Variants in MAGI2 observed in about 807,000 individuals in gnomAD.
MAGI2 encodes membrane associated guanylate kinase, WW and PDZ domain containing 2.
A neutral mutation model predicts 133.3 loss-of-function variants in MAGI2; 35 were observed. The ratio of observed to expected loss-of-function variants is 0.26; its 90% confidence interval spans 0.20 to 0.35. MAGI2 has a LOEUF of 0.35. MAGI2 is among the 10% of genes least tolerant of loss of function. MAGI2 has a pLI of 1.00. For missense variants in MAGI2, 1,636 were observed against 1,863.4 expected (o/e 0.88, Z 2.25); for synonymous variants, 729 against 710.6 (o/e 1.03, Z -0.41).
intron 5 of MAGI2, among the ~76,000 whole-genome samples, chr7:78,499,402 T>G (rs778728806): frequency 2.0e-4 from 31 of 152,210 alleles, no homozygotes; most frequent in Admixed American, 1.2e-3. Context: ...TTTATAACTA[T>G]TTGTCTCTCT....
intron 9 of MAGI2, among the ~76,000 whole-genome samples, chr7:78,330,753 T>G (rs946051491): frequency 1.1e-4 from 17 of 152,098 alleles, no homozygotes; most frequent in Admixed American, 5.2e-4. Context: ...CAGGTTTTGA[T>G]CTCAATGAAC....
intron 9 of MAGI2, among the ~76,000 whole-genome samples, chr7:78,332,470 G>A (rs1017628889): frequency 1.3e-5 from 2 of 152,142 alleles, no homozygotes; most frequent in Non-Finnish European, 2.9e-5. Context: ...AGGCCGAGGC[G>A]GGAGGATCAC....
intron 9 of MAGI2, among the ~76,000 whole-genome samples, chr7:78,270,174 T>C (rs1307373846): frequency 6.6e-6 from 1 of 152,166 alleles, no homozygotes; most frequent in East Asian, 1.9e-4. Flanking sequence ...TGTAGCCTTG[T>C]AGTATAGTTT....
At chr7:79,173,281 A>G (rs1825790609) in intron 1 of MAGI2, among the ~76,000 whole-genome samples, 2 of 152,020 alleles carry the variant, frequency 1.3e-5, no homozygotes, top group Admixed American at 6.6e-5. Context: ...TCTTGCATAG[A>G]AAAAATGACT....
At chr7:79,172,229 G>A (rs1736939990) in intron 1 of MAGI2, among the ~76,000 whole-genome samples, 1 of 152,002 alleles carries the variant, frequency 6.6e-6, no homozygotes, top group Admixed American at 6.6e-5. Context: ...GATGAACAGT[G>A]TGAATCTTAA....
In MAGI2 at chr7:79,134,849, G is replaced by C. The variant is rs571529690; in HGVS notation, c.302-127643C>G. The stretch of plus-strand genomic sequence containing the variant: ...AAATAATTGGCATTTTCAATAGAAG[G>C]CTTTGACATTGGCTGGTTTTCAGAT... On this transcript the variant is annotated intron_variant, in intron 1 of 21. Coordinates refer to ENST00000354212, the MANE Select transcript of MAGI2 (RefSeq NM_012301.4). Among the ~76,000 whole-genome samples, 9 of 152,298 alleles carry C rather than the reference G, an allele frequency of 5.9e-5. No homozygotes were observed. In the South Asian group the frequency reaches 1.7e-3, roughly 28 times the overall value.
At position 79,157,941 on chromosome 7, in the gene MAGI2, A is replaced by AGTGAGTGAGTGT. The variant is rs1302532517; in HGVS notation, c.302-150736_302-150735insACACTCACTCAC. Among the ~76,000 whole-genome samples the AGTGAGTGAGTGT allele has an allele frequency of 2.9e-3, 395 of 134,958 alleles. 1 individual carries two copies. The highest frequency in any genetic ancestry group is 0.012 in the African/African-American group (382 of 30,852). 88.5% of individuals were successfully genotyped at this position (134,958 alleles called of 152,430 possible). ...GTAAATGCTACAGAATCTTTGTGTG[A>AGTGAGTGAGTGT]GTGTGTGTGTGTGTGTGTGTGTGTG... On this transcript the variant is annotated intron_variant, in intron 1 of 21. Transcript: ENST00000354212.
chr7:79,314,035 G>A (rs1456699884), intron 1 of MAGI2, among the ~76,000 whole-genome samples: 5 of 152,026 alleles, frequency 3.3e-5, no homozygotes, highest in East Asian at 1.9e-4. Flanking sequence ...ATGCAGTGAC[G>A]CAATCTTGGC....
chr7:78,580,834 A>C (rs1802758339), intron 3 of MAGI2, among the ~76,000 whole-genome samples: 1 of 152,210 alleles, frequency 6.6e-6, no homozygotes, highest in African/African-American at 2.4e-5. Flanking sequence ...TTTTAAACAA[A>C]AACATAAAGT....
intron 10 of MAGI2, among the ~76,000 whole-genome samples, chr7:78,205,288 C>T (rs1829629421): frequency 6.6e-6 from 1 of 152,182 alleles, no homozygotes; most frequent in South Asian, 2.1e-4. Flanking sequence ...TCTGCCACCA[C>T]ACCCAGCTAA....
chr7:78,756,488 C>T (rs1375059732), intron 2 of MAGI2, among the ~76,000 whole-genome samples: 2 of 152,052 alleles, frequency 1.3e-5, no homozygotes, highest in African/African-American at 4.8e-5. Context: ...GCAGCATTTG[C>T]CATTTTGCCA....
At chr7:78,751,465 A>C (rs1336400946) in intron 2 of MAGI2, among the ~76,000 whole-genome samples, 1 of 152,196 alleles carries the variant, frequency 6.6e-6, no homozygotes, top group Admixed American at 6.5e-5. Flanking sequence ...CGAATGACCT[A>C]ATTGGCCCTC....
At chr7:78,030,350 T>A (rs2003502) in intron 21 of MAGI2, among the ~76,000 whole-genome samples, 17 of 152,082 alleles carry the variant, frequency 1.1e-4, no homozygotes, top group African/African-American at 3.1e-4. Context: ...TGTAACCTCC[T>A]GGTTCAAGCG....
chr7:79,245,035 C>A (rs1209871605), intron 1 of MAGI2, among the ~76,000 whole-genome samples: 2 of 152,134 alleles, frequency 1.3e-5, no homozygotes, highest in African/African-American at 4.8e-5. Flanking sequence ...AGAAGGGAAC[C>A]CACTTCCTTA....
At chr7:78,463,461 A>C (rs897871118) in intron 6 of MAGI2, among the ~76,000 whole-genome samples, 6 of 152,242 alleles carry the variant, frequency 3.9e-5, no homozygotes, top group Non-Finnish European at 8.8e-5. Context: ...TTTCATTTAG[A>C]TGTATTCTAA....
At chr7:79,120,949 G>C (rs1050848889) in intron 1 of MAGI2, among the ~76,000 whole-genome samples, 6 of 152,024 alleles carry the variant, frequency 3.9e-5, no homozygotes, top group Non-Finnish European at 8.8e-5. Context: ...TATAAGTTTA[G>C]GGTTGCCAGA....
chr7:79,342,357 A>C (rs774010449), intron 1 of MAGI2, among the ~76,000 whole-genome samples: 1 of 152,188 alleles, frequency 6.6e-6, no homozygotes, highest in Non-Finnish European at 1.5e-5. Context: ...CAGTAAAAGA[A>C]ATGTCCATTG....
intron 1 of MAGI2, among the ~76,000 whole-genome samples, chr7:79,188,641 A>T (rs1487319772): frequency 1.3e-5 from 2 of 151,858 alleles, no homozygotes; most frequent in Non-Finnish European, 2.9e-5. Context: ...TATAATAAAC[A>T]ATCACTGAGG....
At chr7:78,876,317 G>A (rs145049530) in intron 2 of MAGI2, among the ~76,000 whole-genome samples, 7,428 of 35,176 alleles carry the variant, frequency 0.21, 483 homozygotes, top group East Asian at 0.48. Context: ...GCAAGACTCC[G>A]TCTCAAAAAA....
Sources: gnomAD v4.1 joint callset for allele counts (sites outside exome capture counted in the v4.1 genomes callset) on GRCh38, gnomAD v4.1.1 for gene constraint, MANE v1.5 for transcripts, NCBI Gene and HGNC (gene_info 2026-07-23, HGNC 2026-07-21) for gene names.